TBC1D22B: variants seen among roughly 807,000 people sequenced by gnomAD.
TBC1D22B encodes TBC1 domain family member 22B, also known as chromosome 6 open reading frame 197.
In TBC1D22B, 32 loss-of-function variants were observed where a neutral mutation model predicts 69.1. The ratio of observed to expected loss-of-function variants is 0.46; its 90% CI spans 0.35 to 0.62. The LOEUF (loss-of-function observed/expected upper bound fraction) is 0.62, where lower values mean the gene tolerates loss of function less well. TBC1D22B is among the 20% of genes least tolerant of loss of function. The pLI is 0.00. For synonymous variants in TBC1D22B, 206 were observed against 229.8 expected (o/e 0.90, Z 0.94); for missense variants, 462 against 630.9 (o/e 0.73, Z 2.87).
At position 37,279,453 on chromosome 6, in the gene TBC1D22B, T is replaced by G; in HGVS notation, c.263T>G (p.Leu88Arg). Residue 88 changes from leucine to arginine, a missense_variant, in exon 3 of 13, where the codon CTG (leucine) becomes CGG (arginine). Transcript: ENST00000373491. Reference sequence around the variant, plus strand: ...TTTTCCTCACCTTCTTTCCAAACTCTGAACTCAAAAGTTGCTTTGGCAACT... The same window carrying G: ...TTTTCCTCACCTTCTTTCCAAACTCGGAACTCAAAAGTTGCTTTGGCAACT... ...EDFSSPSFQT[L>R]NSKVALATAA... The G allele has an allele frequency of 6.2e-7, 1 of 1,614,206 alleles. No homozygotes were observed. The highest frequency in any genetic ancestry group is 2.2e-5 in the East Asian group (1 of 44,888).
chr6:37,284,546 C>T, intron 6 of TBC1D22B, 82 bp downstream of exon 6: 3 of 1,408,910 alleles, frequency 2.1e-6, no homozygotes, highest in Non-Finnish European at 2.8e-6. Flanking sequence ...AGGGTACAGG[C>T]TTTCCAAGTC....
intron 12 of TBC1D22B, among the ~76,000 whole-genome samples, chr6:37,321,062 G>A (rs146107343): frequency 1.2e-3 from 190 of 152,286 alleles, no homozygotes; most frequent in African/African-American, 4.4e-3. Context: ...CAATCTAATA[G>A]CAGCTAATTC....
Position 37,331,814 on chromosome 6 carries a change from C to G in TBC1D22B, c.*642C>G, listed in dbSNP as rs2113798720. 1 of 152,716 alleles carries G rather than the reference C, an allele frequency of 6.5e-6. No homozygotes were observed. Among genetic ancestry groups the G allele is most frequent in the Non-Finnish European group, 1.5e-5 (1 of 68,050 alleles). 9.5% of individuals were successfully genotyped at this position (152,716 alleles called of 1,614,324 possible). A position where few individuals can be genotyped will look rare whatever the true frequency, so the allele number is the denominator to read the frequency against. On this transcript the variant is annotated 3_prime_UTR_variant, in exon 13 of 13. Transcript: ENST00000373491. ...GGTGTGAATGTGTATACATGCCCAT[C>G]AGCATTTAGTCACATGTCTGAATTT... is the stretch of plus-strand genomic sequence containing the variant.
chr6:37,311,489 TG>T (rs1249267278), intron 8 of TBC1D22B, among the ~76,000 whole-genome samples: 3 of 151,720 alleles, frequency 2.0e-5, no homozygotes, highest in Non-Finnish European at 4.4e-5. Flanking sequence ...CTGGGAAACA[TG>T]GTAAAAACTC....
At chr6:37,265,397 C>T (rs188689837) in intron 1 of TBC1D22B, among the ~76,000 whole-genome samples, 1 of 152,184 alleles carries the variant, frequency 6.6e-6, no homozygotes, top group African/African-American at 2.4e-5. Flanking sequence ...CTTACCTAAC[C>T]GGCCTGTTGA....
At chr6:37,277,347 C>T (rs1351306132) in intron 2 of TBC1D22B, among the ~76,000 whole-genome samples, 1 of 152,144 alleles carries the variant, frequency 6.6e-6, no homozygotes. Flanking sequence ...TGAGGTGGTA[C>T]TGCAGGTGGT....
chr6:37,303,299 G>C (rs1191870752), intron 8 of TBC1D22B, among the ~76,000 whole-genome samples: 2 of 152,016 alleles, frequency 1.3e-5, no homozygotes, highest in Non-Finnish European at 2.9e-5. Flanking sequence ...CCTTACCCAG[G>C]CACCCTTTTC....
At chr6:37,313,123 C>G (rs1241318729) in intron 9 of TBC1D22B, 99 bp downstream of exon 9, 7 of 815,512 alleles carry the variant, frequency 8.6e-6, no homozygotes, top group Admixed American at 5.6e-5. Context: ...GGCAGGACCA[C>G]CCACCCACCC....
chr6:37,267,357 A>G (rs1276188116), intron 1 of TBC1D22B, among the ~76,000 whole-genome samples: 16 of 115,670 alleles, frequency 1.4e-4, no homozygotes, highest in East Asian at 1.1e-3. Context: ...ATATACACAC[A>G]TATATAATAT....
At chr6:37,316,870 C>T in intron 11 of TBC1D22B, 40 bp downstream of exon 11, 6 of 1,612,974 alleles carry the variant, frequency 3.7e-6, no homozygotes, top group Non-Finnish European at 5.1e-6. Flanking sequence ...CAGGCTGTCT[C>T]TGAGGTGTCC....
At chr6:37,320,740 G>GACC (rs984028326) in intron 12 of TBC1D22B, among the ~76,000 whole-genome samples, 1 of 152,172 alleles carries the variant, frequency 6.6e-6, no homozygotes, top group African/African-American at 2.4e-5. Flanking sequence ...TGGCAGAGAG[G>GACC]ACCAAAAACT....
At chr6:37,313,351 G>T (rs1032837330) in intron 9 of TBC1D22B, among the ~76,000 whole-genome samples, 2 of 152,114 alleles carry the variant, frequency 1.3e-5, no homozygotes, top group Admixed American at 6.5e-5. Context: ...TTAGCCAGGC[G>T]TGGTGGCGTG....
Position 37,313,839 on chromosome 6 carries a change from A to G in TBC1D22B, c.1113A>G (p.Pro371=). ...AGGATAACTACACCTTTGCACAACC[A>G]GGAATCCAGAAGAAGGTGAAGGCAC... The part of the protein sequence containing the change: ...GIQDNYTFAQ[P]GIQKKVKALE... Residue 371 remains proline (P), a synonymous_variant, in exon 10 of 13, where the codon CCA becomes CCG. Coordinates refer to ENST00000373491, the MANE Select transcript of TBC1D22B (RefSeq NM_017772.4). The G allele has an allele frequency of 6.2e-7, 1 of 1,614,210 alleles. No individual in the cohort carries two copies. The highest frequency in any genetic ancestry group is 8.5e-7 in the Non-Finnish European group (1 of 1,180,016).
chr6:37,309,744 T>C (rs1006070408), intron 8 of TBC1D22B, among the ~76,000 whole-genome samples: 3 of 152,064 alleles, frequency 2.0e-5, no homozygotes, highest in African/African-American at 4.8e-5. Context: ...TTTATGGTCA[T>C]GAGAGTTGGA....
Position 37,257,788 on chromosome 6 carries a change from C to T in TBC1D22B, c.-130C>T, listed in dbSNP as rs1458896957. 2 of 985,670 alleles carry T rather than the reference C, an allele frequency of 2.0e-6. No individual in the cohort carries two copies. The highest frequency in any genetic ancestry group is 1.6e-5 in the African/African-American group (1 of 61,602). 61.1% of individuals were successfully genotyped at this position (985,670 alleles called of 1,614,324 possible). On this transcript the variant is annotated 5_prime_UTR_variant, in exon 1 of 13. Transcript: ENST00000373491. ...GGGGTGCCCACATCCAAGATGGCGT[C>T]CCCAGGAGCTGGGAGCGGGTGACCG... is the stretch of plus-strand genomic sequence containing the variant.
chr6:37,292,911 ATT>A, intron 8 of TBC1D22B, among the ~76,000 whole-genome samples: 1 of 151,970 alleles, frequency 6.6e-6, no homozygotes, highest in Admixed American at 6.6e-5. Flanking sequence ...ATCTTGTTTT[ATT>A]GAGCTTTGTA....
At chr6:37,325,041 T>C (rs1233752989) in intron 12 of TBC1D22B, among the ~76,000 whole-genome samples, 2 of 152,264 alleles carry the variant, frequency 1.3e-5, no homozygotes, top group Admixed American at 1.3e-4. Flanking sequence ...GTTCTTCCTC[T>C]TCCTCCTCAA....
chr6:37,266,706 G>C (rs984878097), intron 1 of TBC1D22B, among the ~76,000 whole-genome samples: 1 of 151,554 alleles, frequency 6.6e-6, no homozygotes, highest in Non-Finnish European at 1.5e-5. Context: ...TAGGTGATCT[G>C]CCTGCTTTGG....
intron 8 of TBC1D22B, among the ~76,000 whole-genome samples, chr6:37,311,183 ATT>A (rs11311446): frequency 8.6e-4 from 127 of 147,082 alleles, no homozygotes; most frequent in African/African-American, 1.0e-3. Context: ...TTCAAGTTGG[ATT>A]TTTTTTTTTT....
Sources: gnomAD v4.1 joint callset for allele counts (sites outside exome capture counted in the v4.1 genomes callset) on GRCh38, gnomAD v4.1.1 for gene constraint, MANE v1.5 for transcripts, NCBI Gene and HGNC (gene_info 2026-07-23, HGNC 2026-07-21) for gene names.